The following ANKRD10 variants were observed in gnomAD, a reference collection of about 807,000 sequenced individuals.
ANKRD10 encodes ankyrin repeat domain 10.
ANKRD10 carries 14 observed loss-of-function variants against 27.0 expected under a neutral mutation model. That is an observed-to-expected ratio of 0.52 (90% CI 0.34 to 0.81). The LOEUF is 0.81. Among genes scored for constraint, ANKRD10 ranks in the 40% least tolerant of loss-of-function variants. ANKRD10 has a pLI of 0.01. For synonymous variants in ANKRD10, 250 were observed against 224.5 expected (o/e 1.11, Z -1.01); for missense variants, 493 against 544.0 (o/e 0.91, Z 0.93).
intron 4 of ANKRD10, among the ~76,000 whole-genome samples, chr13:110,891,171 C>T (rs933394600): frequency 1.8e-4 from 27 of 152,226 alleles, no homozygotes; most frequent in Non-Finnish European, 2.5e-4. Context: ...TTAGACTATA[C>T]AGTGACATAC....
chr13:110,899,887 T>C (rs868192887), intron 3 of ANKRD10, among the ~76,000 whole-genome samples: 2 of 152,176 alleles, frequency 1.3e-5, no homozygotes, highest in Non-Finnish European at 2.9e-5. Flanking sequence ...TTATATGCTA[T>C]ATTTTCTTAT....
rs987350124 is a variant in ANKRD10, at chr13:110,915,004, G to A, written c.-70C>T. 1.2e-3 allele frequency: 1,707 copies of A among 1,483,628 alleles called. 2 individuals carry two copies. Among genetic ancestry groups the A allele is most frequent in the Non-Finnish European group, 1.4e-3 (1,569 of 1,122,104 alleles). 91.9% of individuals were successfully genotyped at this position (1,483,628 alleles called of 1,614,324 possible). A position where few individuals can be genotyped will look rare whatever the true frequency, so the allele number is the denominator to read the frequency against. On this transcript the variant is annotated 5_prime_UTR_variant, in exon 1 of 6. Coordinates refer to ENST00000267339, the MANE Select transcript of ANKRD10 (RefSeq NM_017664.4). ...GTCGGGGAGGACTCGAGAAGCCGCC[G>A]CCGCAGCACAAAGGAACGAGACTAG...
chr13:110,904,127 T>C (rs2065461602), intron 3 of ANKRD10: 1 of 152,232 alleles, frequency 6.6e-6, no homozygotes, highest in Admixed American at 6.5e-5. Context: ...TGAATAATGA[T>C]TACTTGTGCT....
chr13:110,893,560 C>T (rs908752086), intron 3 of ANKRD10, among the ~76,000 whole-genome samples: 1 of 152,244 alleles, frequency 6.6e-6, no homozygotes, highest in African/African-American at 2.4e-5. Flanking sequence ...TAAATTTACG[C>T]TAACTTCAGA....
At chr13:110,892,671 C>T (rs1428846022) in intron 4 of ANKRD10, 4 of 762,786 alleles carry the variant, frequency 5.2e-6, no homozygotes, top group African/African-American at 4.2e-5. Flanking sequence ...TTACAAGAAG[C>T]AAATTAAAAA....
intron 1 of ANKRD10, chr13:110,914,364 G>GC (rs1249110408): frequency 1.2e-5 from 2 of 173,356 alleles, no homozygotes; most frequent in African/African-American, 4.8e-5. Flanking sequence ...GGCCTGGAGG[G>GC]CCCCGCACCA....
chr13:110,895,895 T>C (rs965995110), intron 3 of ANKRD10, among the ~76,000 whole-genome samples: 9 of 152,322 alleles, frequency 5.9e-5, no homozygotes, highest in Middle Eastern at 6.8e-3. Context: ...CTTTTTCCCC[T>C]GCCAAAGGTA....
chr13:110,892,800 T>C (rs1028228606), intron 4 of ANKRD10: 185 of 1,273,874 alleles, frequency 1.5e-4, no homozygotes, highest in Non-Finnish European at 1.6e-4. Context: ...AAGTTCCACA[T>C]AGACATTTAC....
chr13:110,889,100 T>C (rs1284254497), intron 4 of ANKRD10, among the ~76,000 whole-genome samples: 2 of 132,058 alleles, frequency 1.5e-5, no homozygotes, highest in African/African-American at 2.6e-5. Context: ...ACCAAGATCA[T>C]TGAAAAACGA....
At chr13:110,894,078 G>T in intron 3 of ANKRD10, 1 of 1,464,758 alleles carries the variant, frequency 6.8e-7, no homozygotes, top group Non-Finnish European at 9.6e-7. Context: ...TGAAAGAGCT[G>T]AATAAAATAG....
chr13:110,915,044 C>A lies in ANKRD10; in HGVS notation c.-110G>T. On this transcript the variant is annotated 5_prime_UTR_variant, in exon 1 of 6. Transcript: ENST00000267339. ...AACGAGACTAGCGCCGCGGTCGCGT[C>A]CCACAGGCTGCCGAGCGGAGCGCGC... 1 of 1,425,516 alleles carries A rather than the reference C, an allele frequency of 7.0e-7. No individual in the cohort carries two copies. The highest frequency in any genetic ancestry group is 2.7e-5 in the East Asian group (1 of 37,374). The allele number at this position is 1,425,516 out of a possible 1,614,324, so 88.3% of individuals were successfully genotyped here. A position where few individuals can be genotyped will look rare whatever the true frequency, so the allele number is the denominator to read the frequency against.
intron 3 of ANKRD10, chr13:110,904,380 A>AT (rs1415207364): frequency 6.6e-6 from 1 of 151,306 alleles, no homozygotes; most frequent in Non-Finnish European, 1.5e-5. Flanking sequence ...AAAGATTCTC[A>AT]TTTTTTAAAA....
In ANKRD10 at chr13:110,893,165, A is replaced by G. The variant is rs940049351; in HGVS notation, c.554T>C (p.Leu185Pro). The G allele has an allele frequency of 5.0e-6, 8 of 1,614,102 alleles. No homozygotes were observed. Among genetic ancestry groups the G allele is most frequent in the Non-Finnish European group, 6.8e-6 (8 of 1,180,044 alleles). Reference sequence around the variant, plus strand: ...GATGCCATTGTTATAGAAATGGTTCAGATGACAATTCTGGAGGTTCAAGAG... The same window carrying G: ...GATGCCATTGTTATAGAAATGGTTCGGATGACAATTCTGGAGGTTCAAGAG... Reference protein sequence around the residue: ...QFLLNLQNCHLNHFYNNGILN... With the variant: ...QFLLNLQNCHPNHFYNNGILN... The change falls in exon 4 of 6, where the codon CTG (leucine) becomes CCG (proline). Residue 185 changes from leucine to proline, a missense_variant. Coordinates refer to ENST00000267339, the MANE Select transcript of ANKRD10 (RefSeq NM_017664.4).
intron 4 of ANKRD10, among the ~76,000 whole-genome samples, chr13:110,889,119 T>C (rs975422804): frequency 5.9e-5 from 9 of 152,216 alleles, no homozygotes; most frequent in Non-Finnish European, 1.0e-4. Flanking sequence ...GACCACAGTT[T>C]CCAAGGAGTA....
intron 1 of ANKRD10, among the ~76,000 whole-genome samples, chr13:110,912,944 G>A (rs2065762566): frequency 6.6e-6 from 1 of 152,226 alleles, no homozygotes; most frequent in Non-Finnish European, 1.5e-5. Context: ...TGGAAACAAT[G>A]AAGTAACTGC....
Position 110,908,981 on chromosome 13 carries a change from C to T in ANKRD10, c.363+1637G>A, listed in dbSNP as rs578151429. 5.3e-5 allele frequency among the ~76,000 whole-genome samples: 8 copies of T among 152,240 alleles called. No individual in the cohort carries two copies. The South Asian group carries it at 8.3e-4, about 16-fold the overall frequency. The stretch of plus-strand genomic sequence containing the variant: ...ATCCTGCCTGGGAAGAAGCAGAGTG[C>T]GGTAGAAGTTTCCAGGAGGTGTTAT... On this transcript the variant is annotated intron_variant, in intron 2 of 5. Transcript: ENST00000267339.
chr13:110,910,312 A>G (rs896645297), intron 2 of ANKRD10, among the ~76,000 whole-genome samples: 3 of 152,222 alleles, frequency 2.0e-5, no homozygotes, highest in African/African-American at 7.2e-5. Context: ...TAAGGCAGCT[A>G]TGAGTAGAAA....
chr13:110,912,236 G>C (rs1031186427), intron 1 of ANKRD10, among the ~76,000 whole-genome samples: 3 of 152,204 alleles, frequency 2.0e-5, no homozygotes, highest in African/African-American at 7.2e-5. Flanking sequence ...CTCTTCAAGA[G>C]GAGAGACCTC....
At chr13:110,881,166 CT>C in intron 5 of ANKRD10, among the ~76,000 whole-genome samples, 1 of 152,356 alleles carries the variant, frequency 6.6e-6, no homozygotes, top group African/African-American at 2.4e-5. Context: ...AAAATTATCT[CT>C]AACTCGGTAA....
Sources: gnomAD v4.1 joint callset for allele counts (sites outside exome capture counted in the v4.1 genomes callset) on GRCh38, gnomAD v4.1.1 for gene constraint, MANE v1.5 for transcripts, NCBI Gene and HGNC (gene_info 2026-07-23, HGNC 2026-07-21) for gene names.